Variants in BAZ2B observed in about 807,000 individuals in gnomAD.
The protein encoded by BAZ2B is bromodomain adjacent to zinc finger domain protein 2B.
BAZ2B carries 91 observed loss-of-function variants against 246.0 expected under a neutral mutation model. That is an observed-to-expected ratio of 0.37 (90% CI 0.31 to 0.44). The LOEUF (loss-of-function observed/expected upper bound fraction) is 0.44, where lower values mean the gene tolerates loss of function less well. BAZ2B is among the 20% of genes least tolerant of loss of function. BAZ2B has a pLI of 1.00. For synonymous variants in BAZ2B, 855 were observed against 860.0 expected, an observed-to-expected ratio of 0.99 and a Z score of 0.10; for missense variants, 2,332 against 2,533.7, an observed-to-expected ratio of 0.92 and a Z score of 1.71.
intron 2 of BAZ2B, among the ~76,000 whole-genome samples, chr2:159,493,512 G>A (rs2080735912): frequency 1.3e-5 from 2 of 152,170 alleles, no homozygotes; most frequent in Admixed American, 6.5e-5. Context: ...AGATGGATGT[G>A]CAGTATTAGA....
At chr2:159,669,195 G>A in the BAZ2B span, among the ~76,000 whole-genome samples, 1 of 151,786 alleles carries the variant, frequency 6.6e-6, no homozygotes, top group Non-Finnish European at 1.5e-5. Context: ...TTTCCTTTTT[G>A]ATTTCTTCTT....
chr2:159,509,701 ATCCC>A (rs1315796198), intron 2 of BAZ2B, among the ~76,000 whole-genome samples: 1 of 152,176 alleles, frequency 6.6e-6, no homozygotes, highest in Non-Finnish European at 1.5e-5. Context: ...GTACACCTAT[ATCCC>A]TCAAAAGATG....
chr2:159,524,115 G>A (rs2151280060), intron 2 of BAZ2B, among the ~76,000 whole-genome samples: 1 of 152,226 alleles, frequency 6.6e-6, no homozygotes, highest in South Asian at 2.1e-4. Flanking sequence ...AATAAAATAT[G>A]TGAAGAAGCC....
intron 20 of BAZ2B, among the ~76,000 whole-genome samples, chr2:159,391,217 T>C (rs977298588): frequency 4.6e-5 from 7 of 152,152 alleles, no homozygotes; most frequent in Admixed American, 3.9e-4. Flanking sequence ...AAGTAGATAC[T>C]GTAAAATTTT....
chr2:159,510,059 A>G (rs1274584255), intron 2 of BAZ2B, among the ~76,000 whole-genome samples: 2 of 152,214 alleles, frequency 1.3e-5, no homozygotes. Context: ...AAAAAGGACA[A>G]ATATTGTATG....
intron 2 of BAZ2B, among the ~76,000 whole-genome samples, chr2:159,496,809 A>G (rs897905825): frequency 2.1e-5 from 3 of 145,740 alleles, no homozygotes; most frequent in Non-Finnish European, 4.5e-5. Flanking sequence ...AAAAAAAAAA[A>G]AAATTAATGC....
At chr2:159,493,972 G>C (rs2080790261) in intron 2 of BAZ2B, among the ~76,000 whole-genome samples, 1 of 152,102 alleles carries the variant, frequency 6.6e-6, no homozygotes, top group African/African-American at 2.4e-5. Context: ...CTCCGTACAG[G>C]GAGGGTCTTC....
intron 1 of BAZ2B, among the ~76,000 whole-genome samples, chr2:159,608,298 T>G (rs1194858407): frequency 6.6e-6 from 1 of 152,108 alleles, no homozygotes; most frequent in Non-Finnish European, 1.5e-5. Context: ...TCCCTTGAGC[T>G]CAGGAGGTTG....
chr2:159,399,653 G>A (rs764640902), intron 17 of BAZ2B, among the ~76,000 whole-genome samples: 14 of 151,916 alleles, frequency 9.2e-5, no homozygotes, highest in Admixed American at 2.6e-4. Flanking sequence ...TTCAATTTCC[G>A]GTTTTTAAAA....
chr2:159,380,350 C>T (rs931597639), intron 25 of BAZ2B, among the ~76,000 whole-genome samples: 2 of 152,172 alleles, frequency 1.3e-5, no homozygotes, highest in African/African-American at 4.8e-5. Context: ...GTGTGCTCAT[C>T]CCTCTAATAA....
At chr2:159,394,211 G>A (rs548576069) in intron 20 of BAZ2B, among the ~76,000 whole-genome samples, 3 of 151,814 alleles carry the variant, frequency 2.0e-5, no homozygotes, top group Non-Finnish European at 4.4e-5. Context: ...TTTTCCCTGA[G>A]CTACTAATTG....
At chr2:159,643,876 CAAAAAA>C in the BAZ2B span, among the ~76,000 whole-genome samples, 1 of 65,894 alleles carries the variant, frequency 1.5e-5, no homozygotes, top group Non-Finnish European at 2.9e-5. Flanking sequence ...AACTCCATCA[CAAAAAA>C]AAAAAAAAAA....
chr2:159,615,233 T>C (rs1695648654), intron 1 of BAZ2B: 2 of 106,646 alleles, frequency 1.9e-5, no homozygotes, highest in Admixed American at 3.0e-4. Flanking sequence ...ATCCCAATTC[T>C]GGGGTTCGTG....
chr2:159,532,332 C>A (rs1346197372), intron 2 of BAZ2B, among the ~76,000 whole-genome samples: 4 of 152,078 alleles, frequency 2.6e-5, no homozygotes, highest in Non-Finnish European at 2.9e-5. Context: ...GCAGTAAAAT[C>A]CTTGGCTATA....
intron 1 of BAZ2B, among the ~76,000 whole-genome samples, chr2:159,581,253 T>C (rs1377029217): frequency 2.0e-5 from 3 of 151,382 alleles, no homozygotes; most frequent in African/African-American, 7.3e-5. Context: ...CGTCAAAAAG[T>C]GGACAAAGGA....
At chr2:159,369,739 C>T (rs2060612954) in intron 27 of BAZ2B, among the ~76,000 whole-genome samples, 1 of 152,060 alleles carries the variant, frequency 6.6e-6, no homozygotes, top group African/African-American at 2.4e-5. Context: ...GGTTAAAAAG[C>T]CACTCACCTA....
the BAZ2B span, among the ~76,000 whole-genome samples, chr2:159,700,599 C>G: frequency 6.6e-6 from 1 of 152,112 alleles, no homozygotes; most frequent in Non-Finnish European, 1.5e-5. Flanking sequence ...GTGCGTGCCA[C>G]CACGCCTGGC....
At chr2:159,656,648 T>G in the BAZ2B span, among the ~76,000 whole-genome samples, 2 of 152,198 alleles carry the variant, frequency 1.3e-5, no homozygotes, top group African/African-American at 2.4e-5. Flanking sequence ...GGTTTCTCCA[T>G]GTCTTTTCAT....
intron 18 of BAZ2B, among the ~76,000 whole-genome samples, chr2:159,397,781 C>G (rs1293472327): frequency 1.3e-5 from 2 of 152,140 alleles, no homozygotes; most frequent in African/African-American, 4.8e-5. Context: ...TATGGTGCAA[C>G]CCTCAAATCT....
Sources: gnomAD v4.1 joint callset for allele counts (sites outside exome capture counted in the v4.1 genomes callset) on GRCh38, gnomAD v4.1.1 for gene constraint, MANE v1.5 for transcripts, NCBI Gene and HGNC (gene_info 2026-07-23, HGNC 2026-07-21) for gene names.